Variants in CNOT2 observed in about 807,000 individuals in gnomAD.
The protein encoded by CNOT2 is CCR4-NOT transcription complex subunit 2.
CNOT2 carries 7 observed loss-of-function variants against 72.1 expected under a neutral mutation model. That is an observed-to-expected ratio of 0.10 (90% confidence interval 0.06 to 0.18). The LOEUF (loss-of-function observed/expected upper bound fraction) is 0.18. Ranked by LOEUF, CNOT2 falls within the 10% of genes least tolerant of loss-of-function variation. The probability of loss-of-function intolerance (pLI) is 1.00; values close to 1 mark genes in which losing one functional copy is unlikely to be tolerated. For missense variants in CNOT2, 345 were observed against 660.3 expected (o/e 0.52, Z 5.23); for synonymous variants, 196 against 225.6 (o/e 0.87, Z 1.17).
At chr12:70,348,914 T>C (rs893165339) in intron 15 of CNOT2, among the ~76,000 whole-genome samples, 1 of 151,992 alleles carries the variant, frequency 6.6e-6, no homozygotes, top group Non-Finnish European at 1.5e-5. Context: ...GTTGAGCTTT[T>C]GTCTTTATCT....
At chr12:70,284,012 G>A (rs1204650398) in intron 2 of CNOT2, among the ~76,000 whole-genome samples, 1 of 146,328 alleles carries the variant, frequency 6.8e-6, no homozygotes, top group African/African-American at 2.5e-5. Flanking sequence ...TCGCTGGAGT[G>A]CTCACCACAA....
rs77644582 is a variant in CNOT2, at chr12:70,296,084, A to G, written c.49-14811A>G. On this transcript the variant is annotated intron_variant, in intron 2 of 15. Coordinates refer to ENST00000229195, the MANE Select transcript of CNOT2 (RefSeq NM_014515.7). ...TCTGAATAAAGCAGCTTCAGACACC[A>G]GATTTTAGTTTTTGGATTAGGAAAG... Among the ~76,000 whole-genome samples, 4 of 152,248 alleles carry G rather than the reference A, an allele frequency of 2.6e-5. No individual in the cohort carries two copies. The South Asian group carries it at 6.2e-4, about 24-fold the overall frequency.
At chr12:70,297,162 T>C (rs1872951532) in intron 2 of CNOT2, among the ~76,000 whole-genome samples, 1 of 152,220 alleles carries the variant, frequency 6.6e-6, no homozygotes, top group African/African-American at 2.4e-5. Flanking sequence ...AACTTGTGCA[T>C]ATTTGTATAT....
At chr12:70,334,750 A>G (rs1880433867) in intron 7 of CNOT2, 1 of 152,034 alleles carries the variant, frequency 6.6e-6, no homozygotes, top group African/African-American at 2.4e-5. Context: ...AATACATTTA[A>G]TTTATTCTAT....
At chr12:70,293,846 T>C (rs1258110736) in intron 2 of CNOT2, among the ~76,000 whole-genome samples, 1 of 151,976 alleles carries the variant, frequency 6.6e-6, no homozygotes, top group Non-Finnish European at 1.5e-5. Context: ...TTACATGTTT[T>C]CATAATGGCC....
intron 2 of CNOT2, among the ~76,000 whole-genome samples, chr12:70,288,521 C>T (rs974346030): frequency 6.6e-6 from 1 of 152,088 alleles, no homozygotes; most frequent in Admixed American, 6.5e-5. Context: ...GGGATATAAG[C>T]TTGTGGCTTC....
intron 1 of CNOT2, among the ~76,000 whole-genome samples, chr12:70,251,433 A>G (rs1958137984): frequency 6.6e-6 from 1 of 152,170 alleles, no homozygotes; most frequent in South Asian, 2.1e-4. Context: ...AATCCTCCAT[A>G]GCCCTTGATG....
chr12:70,305,490 G>A (rs544010833), intron 2 of CNOT2, among the ~76,000 whole-genome samples: 1 of 152,156 alleles, frequency 6.6e-6, no homozygotes, highest in Non-Finnish European at 1.5e-5. Context: ...CCGTAGAGAT[G>A]AAAAGATATT....
chr12:70,334,161 A>G (rs12820045), intron 7 of CNOT2, among the ~76,000 whole-genome samples: 18,038 of 152,012 alleles, frequency 0.12, 1,425 homozygotes, highest in Non-Finnish European at 0.18. Context: ...ACCTAAAGAT[A>G]TGTATTAAAA....
chr12:70,298,852 G>A (rs1009999879), intron 2 of CNOT2, among the ~76,000 whole-genome samples: 2 of 152,146 alleles, frequency 1.3e-5, no homozygotes, highest in Non-Finnish European at 2.9e-5. Context: ...TGATTTGGGA[G>A]TGCTGTTGAG....
Position 70,338,700 on chromosome 12 carries a change from G to C in CNOT2, c.1056G>C (p.Thr352=), listed in dbSNP as rs572727269. ...CTAACATTCCTCAAGGGATGGTGAC[G>C]GACCAATTTGGAATGATTGGCCTGT... ...RVTNIPQGMV[T]DQFGMIGLLT... is the part of the protein sequence containing the mutation. The change falls in exon 11 of 16, where the codon ACG becomes ACC. Residue 352 remains threonine, a synonymous_variant. Coordinates refer to ENST00000229195, the MANE Select transcript of CNOT2 (RefSeq NM_014515.7). 7 of 1,613,068 alleles carry C rather than the reference G, an allele frequency of 4.3e-6. No individual in the cohort carries two copies. Among genetic ancestry groups the C allele is most frequent in the Non-Finnish European group, 5.1e-6 (6 of 1,179,416 alleles).
intron 1 of CNOT2, among the ~76,000 whole-genome samples, chr12:70,270,324 AACAAT>A (rs1271791983): frequency 6.6e-6 from 1 of 152,146 alleles, no homozygotes; most frequent in East Asian, 1.9e-4. Flanking sequence ...AAATAAAGCA[AACAAT>A]ACGTTTGTCT....
chr12:70,277,147 T>C (rs1271262630), intron 1 of CNOT2, among the ~76,000 whole-genome samples: 1 of 152,080 alleles, frequency 6.6e-6, no homozygotes, highest in Non-Finnish European at 1.5e-5. Flanking sequence ...TACCAATGTT[T>C]AGTGGCTAGC....
intron 13 of CNOT2, chr12:70,343,889 A>C: frequency 2.8e-6 from 1 of 360,574 alleles, no homozygotes; most frequent in Admixed American, 4.5e-5. Flanking sequence ...CTTTTCTTCC[A>C]GTCAGCATAT....
At chr12:70,272,611 T>C (rs1282024847) in intron 1 of CNOT2, among the ~76,000 whole-genome samples, 2 of 152,202 alleles carry the variant, frequency 1.3e-5, no homozygotes, top group African/African-American at 4.8e-5. Flanking sequence ...TGCTTCTTAA[T>C]ACTCACAACT....
chr12:70,334,337 A>G (rs1880374772), intron 7 of CNOT2: 1 of 152,044 alleles, frequency 6.6e-6, no homozygotes. Flanking sequence ...CAGTTTTTGT[A>G]AACAGCCAGG....
chr12:70,318,555 ACCACTC>A (rs375211728), intron 3 of CNOT2, among the ~76,000 whole-genome samples: 224 of 151,954 alleles, frequency 1.5e-3, no homozygotes, highest in African/African-American at 5.3e-3. Context: ...CCTAAATGTT[ACCACTC>A]TATAGAGTAT....
chr12:70,329,553 G>T lies in CNOT2; in HGVS notation c.369G>T (p.Thr123=), dbSNP rs1387078465. 1.2e-6 allele frequency: 2 copies of T among 1,609,784 alleles called. No homozygotes were observed. Among genetic ancestry groups the T allele is most frequent in the African/African-American group, 2.7e-5 (2 of 74,696 alleles). ...TTGVPTMSLH[T]PPSPSRGILP... is the part of the protein sequence containing the mutation. ...GGGTACCAACAATGTCACTTCACAC[G>T]CCTCCATCTCCAAGCAGGTATTTAT... The change falls in exon 5 of 16, where the codon ACG becomes ACT. Residue 123 remains threonine, a synonymous_variant. Coordinates refer to ENST00000229195, the MANE Select transcript of CNOT2 (RefSeq NM_014515.7).
At chr12:70,279,441 C>T (rs1869433069) in intron 2 of CNOT2, among the ~76,000 whole-genome samples, 1 of 152,110 alleles carries the variant, frequency 6.6e-6, no homozygotes, top group Non-Finnish European at 1.5e-5. Context: ...TTTTAATAAG[C>T]CAGAGAAAAC....
Sources: gnomAD v4.1 joint callset for allele counts (sites outside exome capture counted in the v4.1 genomes callset) on GRCh38, gnomAD v4.1.1 for gene constraint, MANE v1.5 for transcripts, NCBI Gene and HGNC (gene_info 2026-07-23, HGNC 2026-07-21) for gene names.